Variants in MAP1B observed in about 807,000 individuals in gnomAD.
MAP1B encodes microtubule associated protein 1B, also known as microtubule-associated protein 1B.
Under a neutral mutation model 176.1 loss-of-function variants are expected in MAP1B, and 12 were observed. The observed-to-expected ratio is 0.07, with a 90% CI of 0.04 to 0.11. MAP1B has a LOEUF of 0.11. Among genes scored for constraint, MAP1B ranks in the 10% least tolerant of loss-of-function variants. The pLI, the probability that MAP1B is intolerant of heterozygous loss-of-function variation, is 1.00. For synonymous variants in MAP1B, 1,044 were observed against 1,135.0 expected, an observed-to-expected ratio of 0.92 and a Z score of 1.61; for missense variants, 2,523 against 2,990.5, an observed-to-expected ratio of 0.84 and a Z score of 3.65.
At chr5:72,167,505 A>G (rs1402268504) in intron 2 of MAP1B, among the ~76,000 whole-genome samples, 1 of 152,238 alleles carries the variant, frequency 6.6e-6, no homozygotes, top group Non-Finnish European at 1.5e-5. Context: ...CACTTAAAAG[A>G]ATCATCCATC....
In MAP1B at chr5:72,194,672, G is replaced by A; in HGVS notation, c.1317G>A (p.Gln439=). 1 of 1,614,182 alleles carries A rather than the reference G, an allele frequency of 6.2e-7. No homozygotes were observed. Residue 439 remains glutamine (Q), a synonymous_variant, in exon 5 of 7, where the codon CAG becomes CAA. Transcript: ENST00000296755. The surrounding 1 kb of genome is among the most constrained non-coding windows in gnomAD (Gnocchi z 7.2). ...GCAAGGAAATGCAGTATTTTATGCAGCAGTGGACTGGTACCAACAAAGACA... is the reference window on the plus strand; with the variant it reads ...GCAAGGAAATGCAGTATTTTATGCAACAGTGGACTGGTACCAACAAAGACA... The part of the protein sequence containing the change: ...KSSKEMQYFM[Q]QWTGTNKDKA...
rs376205250 is a variant in MAP1B, at chr5:72,115,810, C to T, written c.286+11C>T. ...CTCCTGAAGTCCCAGGTGAGGCTTC[C>T]GCTCAGTGTTGGTCAGCCTAGAATT... On this transcript the variant is annotated intron_variant, in intron 2 of 6. Coordinates refer to ENST00000296755, the MANE Select transcript of MAP1B (RefSeq NM_005909.5). 72 of 1,583,214 alleles carry T rather than the reference C, an allele frequency of 4.5e-5. 1 individual carries two copies. Among genetic ancestry groups the T allele is most frequent in the Middle Eastern group, 1.7e-4 (1 of 6,022 alleles).
intron 1 of MAP1B, 23 bp downstream of exon 1, chr5:72,107,738 A>G (rs764919492): frequency 1.3e-5 from 21 of 1,596,586 alleles, no homozygotes; most frequent in Non-Finnish European, 1.7e-5. Context: ...GCGCCCCCAG[A>G]GACGCGCGCT....
chr5:72,143,066 CTT>C (rs1010347227), intron 2 of MAP1B, among the ~76,000 whole-genome samples: 3 of 152,148 alleles, frequency 2.0e-5, no homozygotes, highest in Admixed American at 6.5e-5. Context: ...GTTGTGTTCT[CTT>C]GTGTGTGTGT....
rs561029877 is a variant in MAP1B, at chr5:72,169,221, G to T, written c.287-14522G>T. 6.6e-5 allele frequency among the ~76,000 whole-genome samples: 10 copies of T among 152,280 alleles called. 1 individual carries two copies. The South Asian group carries it at 2.1e-3, about 32-fold the overall frequency. On this transcript the variant is annotated intron_variant, in intron 2 of 6. Coordinates refer to ENST00000296755, the MANE Select transcript of MAP1B (RefSeq NM_005909.5). ...TGACCACAGGCAAAATCCAATGCGCGTGTGAGAAAACCAAACACACAAACA... is the reference window on the plus strand; with the variant it reads ...TGACCACAGGCAAAATCCAATGCGCTTGTGAGAAAACCAAACACACAAACA...
chr5:72,123,924 C>A (rs1745576152), intron 2 of MAP1B, among the ~76,000 whole-genome samples: 1 of 152,146 alleles, frequency 6.6e-6, no homozygotes, highest in Non-Finnish European at 1.5e-5. Flanking sequence ...AGTCACCCTG[C>A]CCAGCGTGAG....
At chr5:72,165,394 G>A (rs370990717) in intron 2 of MAP1B, among the ~76,000 whole-genome samples, 3 of 152,230 alleles carry the variant, frequency 2.0e-5, no homozygotes, top group African/African-American at 4.8e-5. Flanking sequence ...TAGAATATAC[G>A]TCAAGTCCAC....
In MAP1B at chr5:72,193,900, A is replaced by G. The variant is rs148295520; in HGVS notation, c.545A>G (p.Asn182Ser). Residue 182 changes from asparagine to serine, a missense_variant, in exon 5 of 7, where the codon AAC becomes AGC. By Grantham distance (46) the Asn-to-Ser change is conservative. Coordinates refer to ENST00000296755, the MANE Select transcript of MAP1B (RefSeq NM_005909.5). Reference sequence around the variant, plus strand: ...TTACTAAGCACCACCCATCCTGCCAACAAAGCCAGCTTAACCCTGTTCTGT... The same window carrying G: ...TTACTAAGCACCACCCATCCTGCCAGCAAAGCCAGCTTAACCCTGTTCTGT... ...GELLSTTHPA[N>S]KASLTLFCPE... The G allele has an allele frequency of 2.5e-6, 4 of 1,607,552 alleles. No individual in the cohort carries two copies. In the African/African-American group the frequency reaches 4.0e-5, roughly 16 times the overall value.
intron 2 of MAP1B, chr5:72,179,935 G>A (rs1746731291): frequency 1.0e-6 from 1 of 985,322 alleles, no homozygotes; most frequent in South Asian, 4.7e-5. Context: ...CGTGGCATTT[G>A]TTTTGTTTGC....
At chr5:72,142,294 T>C (rs1745961423) in intron 2 of MAP1B, among the ~76,000 whole-genome samples, 2 of 152,210 alleles carry the variant, frequency 1.3e-5, no homozygotes, top group Non-Finnish European at 2.9e-5. Flanking sequence ...GGTCGCTTAT[T>C]GTGCAGACTG....
At chr5:72,185,588 G>A (rs1255836582) in intron 3 of MAP1B, among the ~76,000 whole-genome samples, 2 of 140,306 alleles carry the variant, frequency 1.4e-5, no homozygotes, top group Non-Finnish European at 3.0e-5. Context: ...GCAACAGAGT[G>A]AGACCCTGTC....
At position 72,193,897 on chromosome 5, in the gene MAP1B, C is replaced by A; in HGVS notation, c.542C>A (p.Ala181Asp). The A allele has an allele frequency of 6.2e-7, 1 of 1,606,192 alleles. No homozygotes were observed. The highest frequency in any genetic ancestry group is 8.5e-7 in the Non-Finnish European group (1 of 1,177,094). Residue 181 changes from alanine to aspartate, a missense_variant, in exon 5 of 7, where the codon GCC becomes GAC. By Grantham distance (126) the Ala-to-Asp change is moderately radical. This residue lies in a region of MAP1B where 307 missense variants were observed against 438.4 expected (regional missense o/e 0.70). Coordinates refer to ENST00000296755, the MANE Select transcript of MAP1B (RefSeq NM_005909.5). ...GAGTTACTAAGCACCACCCATCCTG[C>A]CAACAAAGCCAGCTTAACCCTGTTC... ...IGELLSTTHP[A>D]NKASLTLFCP...
intron 2 of MAP1B, among the ~76,000 whole-genome samples, chr5:72,145,039 C>T (rs1349823627): frequency 2.0e-5 from 3 of 152,166 alleles, no homozygotes; most frequent in East Asian, 3.9e-4. Flanking sequence ...GTGAAAATCA[C>T]GCTCTGTCCA....
intron 2 of MAP1B, among the ~76,000 whole-genome samples, chr5:72,126,278 T>G (rs1745628538): frequency 6.6e-6 from 1 of 152,194 alleles, no homozygotes; most frequent in Non-Finnish European, 1.5e-5. Context: ...GTCAGTCCTT[T>G]CCTTTTCTGT....
intron 2 of MAP1B, among the ~76,000 whole-genome samples, chr5:72,178,001 G>T (rs1420632647): frequency 1.3e-5 from 2 of 150,978 alleles, no homozygotes; most frequent in Non-Finnish European, 2.9e-5. Flanking sequence ...AATGAAAAGA[G>T]ACTTCATTTT....
At chr5:72,120,791 T>A (rs1376969867) in intron 2 of MAP1B, among the ~76,000 whole-genome samples, 1 of 152,216 alleles carries the variant, frequency 6.6e-6, no homozygotes, top group African/African-American at 2.4e-5. Flanking sequence ...ACAGGGCTTG[T>A]CACATGGAAA....
At position 72,152,178 on chromosome 5, in the gene MAP1B, A is replaced by G. The variant is rs543270906; in HGVS notation, c.287-31565A>G. On this transcript the variant is annotated intron_variant, in intron 2 of 6. Coordinates refer to ENST00000296755, the MANE Select transcript of MAP1B (RefSeq NM_005909.5). Reference sequence around the variant, plus strand: ...GTGCACACCAGAACAGCATTCTAGCAGGGTGTGTTCCTAAATTATCCTATC... The same window carrying G: ...GTGCACACCAGAACAGCATTCTAGCGGGGTGTGTTCCTAAATTATCCTATC... Among the ~76,000 whole-genome samples, 5 of 152,304 alleles carry G rather than the reference A, an allele frequency of 3.3e-5. No individual in the cohort carries two copies. The South Asian group carries it at 6.2e-4, about 19-fold the overall frequency.
intron 2 of MAP1B, among the ~76,000 whole-genome samples, chr5:72,161,573 C>T (rs1050945387): frequency 1.3e-5 from 2 of 152,220 alleles, no homozygotes; most frequent in Non-Finnish European, 2.9e-5. Context: ...CTGACTTCCT[C>T]TGCCTGTCTT....
intron 2 of MAP1B, among the ~76,000 whole-genome samples, chr5:72,176,588 A>AGATTTTATT (rs1380990488): frequency 6.6e-6 from 1 of 152,232 alleles, no homozygotes; most frequent in Non-Finnish European, 1.5e-5. Context: ...TACACATGCA[A>AGATTTTATT]GATTTTATTG....
Sources: gnomAD v4.1 joint callset for allele counts (sites outside exome capture counted in the v4.1 genomes callset) on GRCh38, gnomAD v4.1.1 for gene constraint, gnomAD v4.1.1 regional missense constraint, Gnocchi (gnomAD v3.1) non-coding constraint, MANE v1.5 for transcripts, NCBI Gene and HGNC (gene_info 2026-07-23, HGNC 2026-07-21) for gene names.